Variants in ACOX3 observed in about 807,000 individuals in gnomAD.
ACOX3 encodes the protein acyl-CoA oxidase 3, pristanoyl.
ACOX3 carries 73 observed loss-of-function variants against 81.5 expected under a neutral mutation model. The ratio of observed to expected loss-of-function variants is 0.90; its 90% CI spans 0.74 to 1.09. The LOEUF (loss-of-function observed/expected upper bound fraction) is 1.09. Ranked by LOEUF, ACOX3 falls within the 50% of genes least tolerant of loss-of-function variation. ACOX3 has a pLI of 0.00. For synonymous variants in ACOX3, 387 were observed against 375.1 expected, an observed-to-expected ratio of 1.03 and a Z score of -0.37; for missense variants, 947 against 928.0, an observed-to-expected ratio of 1.02 and a Z score of -0.27.
Position 8,392,293 on chromosome 4 carries a change from C to G in ACOX3, c.1300+40G>C, listed in dbSNP as rs771138296. ...CCTGGTCTAGAGTCAAACAGCAGGG[C>G]TAAGGACAGGAAACCACCATGCGCT... On this transcript the variant is annotated intron_variant, in intron 11 of 17. Transcript: ENST00000356406. 5 of 1,459,020 alleles carry G rather than the reference C, an allele frequency of 3.4e-6. No homozygotes were observed. The African/African-American group carries it at 5.7e-5, about 17-fold the overall frequency. 90.4% of individuals were successfully genotyped at this position (1,459,020 alleles called of 1,614,324 possible). A position where few individuals can be genotyped will look rare whatever the true frequency, so the allele number is the denominator to read the frequency against.
intron 5 of ACOX3, among the ~76,000 whole-genome samples, chr4:8,412,665 G>A (rs1721853254): frequency 6.6e-6 from 1 of 152,138 alleles, no homozygotes; most frequent in South Asian, 2.1e-4. Flanking sequence ...CTGCCAATGG[G>A]GGAGGGTGGA....
the ACOX3 span, among the ~76,000 whole-genome samples, chr4:8,360,629 G>A: frequency 2.6e-5 from 4 of 151,982 alleles, no homozygotes; most frequent in African/African-American, 7.2e-5. Flanking sequence ...CCGCCACCAC[G>A]CCTGGCTAAT....
In ACOX3 at chr4:8,366,305, T is replaced by C. The variant is rs1715439331; in HGVS notation, c.*656A>G. ...TGTTACCAATAAAGTGATTTGTATATAACTGGCGGCAGGGGGAGGGGGGCG... is the reference window on the plus strand; with the variant it reads ...TGTTACCAATAAAGTGATTTGTATACAACTGGCGGCAGGGGGAGGGGGGCG... On this transcript the variant is annotated 3_prime_UTR_variant, in exon 18 of 18. Coordinates refer to ENST00000356406, the MANE Select transcript of ACOX3 (RefSeq NM_003501.3). 6.6e-6 allele frequency: 1 copy of C among 152,510 alleles called. No individual in the cohort carries two copies. Among genetic ancestry groups the C allele is most frequent in the Admixed American group, 6.5e-5 (1 of 15,314 alleles). The allele number at this position is 152,510 out of a possible 1,614,324, so 9.4% of individuals were successfully genotyped here. A position where few individuals can be genotyped will look rare whatever the true frequency, so the allele number is the denominator to read the frequency against.
Position 8,414,742 on chromosome 4 carries a change from G to C in ACOX3, c.453+112C>G. On this transcript the variant is annotated intron_variant, in intron 4 of 17. Coordinates refer to ENST00000356406, the MANE Select transcript of ACOX3 (RefSeq NM_003501.3). The surrounding 1 kb of genome is among the most constrained non-coding windows in gnomAD (Gnocchi z 6.1). ...GAAGCCTGAGAACACTAGGAAACAA[G>C]AAGAGCATAAGCCCCCTGGGCACCC... The C allele has an allele frequency of 1.9e-6, 2 of 1,040,644 alleles. No homozygotes were observed. Among genetic ancestry groups the C allele is most frequent in the Non-Finnish European group, 2.9e-6 (2 of 678,736 alleles). 64.5% of individuals were successfully genotyped at this position (1,040,644 alleles called of 1,614,324 possible). A position where few individuals can be genotyped will look rare whatever the true frequency, so the allele number is the denominator to read the frequency against.
In ACOX3 at chr4:8,414,346, G is replaced by T. The variant is rs200580707; in HGVS notation, c.489C>A (p.His163Gln). ...TGCGAATGGCCTTGGTATTACTGCCGTGGCTTAATTCGGTCAGAGCAAAAC... is the reference window on the plus strand; with the variant it reads ...TGCGAATGGCCTTGGTATTACTGCCTTGGCTTAATTCGGTCAGAGCAAAAC... ...FGCFALTELS[H>Q]GSNTKAIRTT... Residue 163 changes from histidine (H) to glutamine (Q), a missense_variant, in exon 5 of 18, where the codon CAC (histidine) becomes CAA (glutamine). By Grantham distance (24) the His-to-Gln change is conservative. Coordinates refer to ENST00000356406, the MANE Select transcript of ACOX3 (RefSeq NM_003501.3). The surrounding 1 kb of genome is among the most constrained non-coding windows in gnomAD (Gnocchi z 6.1). 19 of 1,614,062 alleles carry T rather than the reference G, an allele frequency of 1.2e-5. No homozygotes were observed. The highest frequency in any genetic ancestry group is 1.6e-5 in the Non-Finnish European group (19 of 1,180,034).
intron 1 of ACOX3, among the ~76,000 whole-genome samples, chr4:8,434,685 G>A (rs996763815): frequency 6.6e-6 from 1 of 152,276 alleles, no homozygotes; most frequent in African/African-American, 2.4e-5. Context: ...CTCCATTTGA[G>A]TGGAAGCGTG....
chr4:8,401,754 C>G (rs534220382), intron 7 of ACOX3, among the ~76,000 whole-genome samples: 2 of 152,284 alleles, frequency 1.3e-5, no homozygotes, highest in African/African-American at 4.8e-5. Context: ...CTAACAGCAT[C>G]ACCGCCTTGC....
chr4:8,427,038 C>T (rs1035096904), intron 1 of ACOX3, among the ~76,000 whole-genome samples: 1 of 152,180 alleles, frequency 6.6e-6, no homozygotes, highest in Non-Finnish European at 1.5e-5. Flanking sequence ...ACAGGACTAG[C>T]TGGACTTCCT....
chr4:8,387,413 G>T (rs1718444964), intron 13 of ACOX3, among the ~76,000 whole-genome samples: 3 of 152,068 alleles, frequency 2.0e-5, no homozygotes, highest in Admixed American at 2.0e-4. Flanking sequence ...CCACGTCTCG[G>T]GTGTCACGGG....
rs375568998 is a variant in ACOX3 at position 8,416,024 on chromosome 4, G to C, written c.145-25C>G. 15 of 1,603,980 alleles carry C rather than the reference G, an allele frequency of 9.4e-6. No individual in the cohort carries two copies. The highest frequency in any genetic ancestry group is 6.7e-5 in the African/African-American group (5 of 74,752). ...TCTGGAAATGCAGGAGATGGGTAAG[G>C]CTTATTTGGAGTAAAAGATGGACTC... On this transcript the variant is annotated intron_variant, in intron 2 of 17. Coordinates refer to ENST00000356406, the MANE Select transcript of ACOX3 (RefSeq NM_003501.3). The surrounding 1 kb of genome is among the most constrained non-coding windows in gnomAD (Gnocchi z 4.2).
chr4:8,357,394 G>A, the ACOX3 span: 1 of 362,814 alleles, frequency 2.8e-6, no homozygotes, highest in East Asian at 7.4e-5. Flanking sequence ...CAAATTCTGG[G>A]CCCCTGTGGC....
rs377507274 is a variant in ACOX3 at position 8,407,652 on chromosome 4, G to C, written c.688-1609C>G. 1.2e-4 allele frequency among the ~76,000 whole-genome samples: 19 copies of C among 152,342 alleles called. No individual in the cohort carries two copies. In the East Asian group the frequency reaches 1.9e-3, roughly 15 times the overall value. On this transcript the variant is annotated intron_variant, in intron 6 of 17. Coordinates refer to ENST00000356406, the MANE Select transcript of ACOX3 (RefSeq NM_003501.3). This position sits in a 1 kb window ranked among gnomAD's most constrained non-coding sequence, Gnocchi z 4.6. Reference sequence around the variant, plus strand: ...TTTCATATTCACGTTTTAGACACAGGACTCCCTGCTAGATTTTAGTAAAGT... The same window carrying C: ...TTTCATATTCACGTTTTAGACACAGCACTCCCTGCTAGATTTTAGTAAAGT...
chr4:8,377,554 C>G (rs1717130092), intron 14 of ACOX3, among the ~76,000 whole-genome samples: 1 of 152,228 alleles, frequency 6.6e-6, no homozygotes, highest in South Asian at 2.1e-4. Flanking sequence ...GCGGCTCTCT[C>G]ACAGGAAGCG....
At chr4:8,362,063 C>T (rs1009847566), downstream of ACOX3, among the ~76,000 whole-genome samples, 9 of 152,198 alleles carry the variant, frequency 5.9e-5, no homozygotes, top group Non-Finnish European at 1.3e-4. Context: ...TTGTTATCCA[C>T]AGACAATTGT....
chr4:8,427,304 C>T (rs528918711), intron 1 of ACOX3, among the ~76,000 whole-genome samples: 1 of 152,338 alleles, frequency 6.6e-6, no homozygotes, highest in South Asian at 2.1e-4. Flanking sequence ...GGTCCCCTCC[C>T]GTTGCATGGG....
chr4:8,376,121 C>T (rs964024468), intron 14 of ACOX3, among the ~76,000 whole-genome samples: 4 of 152,182 alleles, frequency 2.6e-5, no homozygotes. Context: ...AACGAATCTG[C>T]GTTCCCACCA....
chr4:8,415,285 C>T (rs1722195080), intron 3 of ACOX3, among the ~76,000 whole-genome samples: 1 of 152,184 alleles, frequency 6.6e-6, no homozygotes, highest in Non-Finnish European at 1.5e-5. Flanking sequence ...GAGAGCAGAG[C>T]CCACCAGCCC....
At chr4:8,362,954 G>T (rs1715265707), downstream of ACOX3, among the ~76,000 whole-genome samples, 1 of 152,182 alleles carries the variant, frequency 6.6e-6, no homozygotes, top group African/African-American at 2.4e-5. Flanking sequence ...GTCTTACCAA[G>T]ATTTGTTTTT....
In ACOX3 at chr4:8,368,791, C is replaced by T. The variant is rs142742725; in HGVS notation, c.1984-1711G>A. Among the ~76,000 whole-genome samples, 188 of 150,974 alleles carry T rather than the reference C, an allele frequency of 1.2e-3. No individual in the cohort carries two copies. The highest frequency in any genetic ancestry group is 4.2e-3 in the African/African-American group (173 of 41,016). ...TTGGCCAGGCTGGAGTGCAGTGGCGCGATCACTGCCCACCACAGCCTCGAC... is the reference window on the plus strand; with the variant it reads ...TTGGCCAGGCTGGAGTGCAGTGGCGTGATCACTGCCCACCACAGCCTCGAC... On this transcript the variant is annotated intron_variant, in intron 17 of 17. Coordinates refer to ENST00000356406, the MANE Select transcript of ACOX3 (RefSeq NM_003501.3). The surrounding 1 kb of genome is among the most constrained non-coding windows in gnomAD (Gnocchi z 5.9).
Sources: allele counts gnomAD v4.1 joint callset (sites outside exome capture counted in the v4.1 genomes callset), GRCh38; gene constraint gnomAD v4.1.1; non-coding constraint Gnocchi (gnomAD v3.1); transcripts MANE v1.5; gene names NCBI Gene and HGNC (gene_info 2026-07-23, HGNC 2026-07-21).